The following RAB17 variants were observed in gnomAD, a reference collection of about 807,000 sequenced individuals.
The protein encoded by RAB17 is RAB17, member RAS oncogene family, also known as ras-related protein Rab-17.
Under a neutral mutation model 19.3 loss-of-function variants are expected in RAB17, and 15 were observed. The observed-to-expected ratio is 0.78, with a 90% CI of 0.52 to 1.20. The LOEUF is 1.20. Among genes scored for constraint, RAB17 ranks in the 50% most tolerant of loss-of-function variants. The pLI, the probability that RAB17 is intolerant of heterozygous loss-of-function variation, is 0.00. For synonymous variants in RAB17, 110 were observed against 112.8 expected, an observed-to-expected ratio of 0.97 and a Z score of 0.16; for missense variants, 262 against 269.3, an observed-to-expected ratio of 0.97 and a Z score of 0.19.
intron 2 of RAB17, among the ~76,000 whole-genome samples, chr2:237,580,758 G>C (rs548148222): frequency 2.4e-4 from 37 of 152,072 alleles, no homozygotes; most frequent in East Asian, 1.7e-3. Flanking sequence ...AAAAAGAAGG[G>C]GGGGGAGGAG....
At chr2:237,581,804 T>C (rs1007918719) in intron 2 of RAB17, among the ~76,000 whole-genome samples, 1 of 152,226 alleles carries the variant, frequency 6.6e-6, no homozygotes, top group Non-Finnish European at 1.5e-5. Context: ...CAGTACCTGT[T>C]TGTCACCGTC....
chr2:237,583,334 T>A (rs73085782), intron 2 of RAB17, among the ~76,000 whole-genome samples: 24,971 of 152,032 alleles, frequency 0.16, 3,092 homozygotes, highest in African/African-American at 0.34. Flanking sequence ...CTCAAAAAAA[T>A]TAACATAATG....
At chr2:237,577,520 G>A in intron 3 of RAB17, 138 bp from the exon 4 acceptor site, 1 of 1,005,564 alleles carries the variant, frequency 9.9e-7, no homozygotes, top group Admixed American at 2.7e-5. Context: ...GCACCTGCAG[G>A]GCTGCTCCGT....
chr2:237,581,091 T>G (rs927604923), intron 2 of RAB17, among the ~76,000 whole-genome samples: 2 of 152,002 alleles, frequency 1.3e-5, no homozygotes, highest in African/African-American at 4.8e-5. Flanking sequence ...AAAATGTAAT[T>G]AAAAAATAAA....
At chr2:237,579,376 G>A (rs1192356695) in intron 2 of RAB17, 2 of 152,242 alleles carry the variant, frequency 1.3e-5, no homozygotes, top group East Asian at 3.9e-4. Context: ...GGAGGCCAGA[G>A]GTCCAAAACT....
At chr2:237,583,982 C>T (rs1574936593) in intron 2 of RAB17, among the ~76,000 whole-genome samples, 1 of 150,822 alleles carries the variant, frequency 6.6e-6, no homozygotes, top group Non-Finnish European at 1.5e-5. Flanking sequence ...GCTTTGTTCA[C>T]CCCCCGACCC....
intron 5 of RAB17, 61 bp from the exon 6 acceptor site, chr2:237,575,189 C>A: frequency 7.0e-7 from 1 of 1,425,870 alleles, no homozygotes; most frequent in Non-Finnish European, 9.7e-7. Context: ...CAGCACAGCC[C>A]TGCAGACCAG....
At chr2:237,588,342 C>G (rs1241723889) in intron 1 of RAB17, among the ~76,000 whole-genome samples, 9 of 152,234 alleles carry the variant, frequency 5.9e-5, no homozygotes, top group Non-Finnish European at 1.3e-4. Flanking sequence ...TTGGACTTCC[C>G]AGCCTCCAGA....
At chr2:237,578,341 G>A (rs541719354) in intron 2 of RAB17, 186 bp from the exon 3 acceptor site, 30 of 587,524 alleles carry the variant, frequency 5.1e-5, no homozygotes, top group African/African-American at 4.3e-4. Context: ...CTTCCACATC[G>A]AGCAAAGTGT....
At chr2:237,579,447 C>T (rs2081291920) in intron 2 of RAB17, 1 of 152,200 alleles carries the variant, frequency 6.6e-6, no homozygotes, top group African/African-American at 2.4e-5. Flanking sequence ...CAGGCCTCCT[C>T]CAGCTTCAGG....
chr2:237,583,317 A>C (rs2081322357), intron 2 of RAB17, among the ~76,000 whole-genome samples: 1 of 151,868 alleles, frequency 6.6e-6, no homozygotes, highest in Non-Finnish European at 1.5e-5. Flanking sequence ...ACAGAGCAAG[A>C]CTCTGTCTCA....
chr2:237,577,870 C>T, intron 3 of RAB17, 134 bp downstream of exon 3: 1 of 1,034,370 alleles, frequency 9.7e-7, no homozygotes, highest in Non-Finnish European at 1.4e-6. Flanking sequence ...AGGAGGCCAT[C>T]CTGGAGGAGG....
At chr2:237,582,936 G>A (rs754206521) in intron 2 of RAB17, among the ~76,000 whole-genome samples, 2 of 152,126 alleles carry the variant, frequency 1.3e-5, no homozygotes, top group African/African-American at 2.4e-5. Flanking sequence ...GTGAAACTCC[G>A]TCTCTACTAA....
chr2:237,577,210 G>A (rs1459267889), intron 4 of RAB17, 47 bp downstream of exon 4: 2 of 1,575,920 alleles, frequency 1.3e-6, no homozygotes, highest in South Asian at 1.2e-5. Flanking sequence ...GGCGGGCAGG[G>A]CTCTCTCCTG....
chr2:237,589,347 T>G (rs1367449927), intron 1 of RAB17, among the ~76,000 whole-genome samples: 1 of 152,182 alleles, frequency 6.6e-6, no homozygotes, highest in Non-Finnish European at 1.5e-5. Flanking sequence ...TTTCTATGAC[T>G]CCTAAAAACA....
chr2:237,588,461 G>T (rs1351857611), intron 1 of RAB17, among the ~76,000 whole-genome samples: 1 of 152,194 alleles, frequency 6.6e-6, no homozygotes, highest in African/African-American at 2.4e-5. Context: ...AGTGCCTGGG[G>T]TGGGAACTTA....
chr2:237,578,330 C>G lies in RAB17; in HGVS notation c.158-175G>C, dbSNP rs1319277375. On this transcript the variant is annotated intron_variant, in intron 2 of 5. Transcript: ENST00000264601. Reference sequence around the variant, plus strand: ...CAAACAGTTCTTCTGGGAGATGGAGCCTTCCACATCGAGCAAAGTGTTGGG... The same window carrying G: ...CAAACAGTTCTTCTGGGAGATGGAGGCTTCCACATCGAGCAAAGTGTTGGG... 4 of 602,934 alleles carry G rather than the reference C, an allele frequency of 6.6e-6. No homozygotes were observed. In the East Asian group the frequency reaches 8.4e-5, roughly 13 times the overall value. The allele number at this position is 602,934 out of a possible 1,614,324, so 37.3% of individuals were successfully genotyped here.
chr2:237,578,112 CAG>C lies in RAB17; in HGVS notation c.199_200del (p.Leu67GlufsTer3). ...CAGCTGTGTCCCAGATCTCAAGCTTCAGAGAGGTGGCACCCACATCCACCACC... is the reference window on the plus strand; with the variant it reads ...CAGCTGTGTCCCAGATCTCAAGCTTCAGAGGTGGCACCCACATCCACCACC... ...TKVVDVGATS[L>X]KLEIWDTAGQ... On this transcript the variant is annotated frameshift_variant, in exon 3 of 6. Coordinates refer to ENST00000264601, the MANE Select transcript of RAB17 (RefSeq NM_022449.4). LOFTEE classifies it high-confidence loss of function. 1 of 1,613,796 alleles carries C rather than the reference CAG, an allele frequency of 6.2e-7. No homozygotes were observed.
chr2:237,577,802 G>A (rs1234018367), intron 3 of RAB17: 7 of 617,454 alleles, frequency 1.1e-5, no homozygotes, highest in African/African-American at 1.8e-5. Flanking sequence ...GCAACGGCAT[G>A]TTCTTTGTGG....
Sources: gnomAD v4.1 joint callset for allele counts (sites outside exome capture counted in the v4.1 genomes callset) on GRCh38, gnomAD v4.1.1 for gene constraint, MANE v1.5 for transcripts, NCBI Gene and HGNC (gene_info 2026-07-23, HGNC 2026-07-21) for gene names.